Variants in SLC16A7 observed in about 807,000 individuals in gnomAD.
The protein encoded by SLC16A7 is solute carrier family 16 member 7, also known as monocarboxylate transporter 2.
A neutral mutation model predicts 34.9 loss-of-function variants in SLC16A7; 33 were observed. The observed-to-expected ratio is 0.94, with a 90% confidence interval of 0.72 to 1.26. The LOEUF (loss-of-function observed/expected upper bound fraction) is 1.26, where lower values mean the gene tolerates loss of function less well. Ranked by LOEUF, SLC16A7 falls within the 50% of genes most tolerant of loss-of-function variation. The probability of loss-of-function intolerance (pLI) is 0.00; values close to 1 mark genes in which losing one functional copy is unlikely to be tolerated. For synonymous variants in SLC16A7, 201 were observed against 206.6 expected (o/e 0.97, Z 0.23); for missense variants, 573 against 578.1 (o/e 0.99, Z 0.09).
Position 59,740,334 on chromosome 12 carries a change from T to C in SLC16A7, c.218-30885T>C, listed in dbSNP as rs887512189. The stretch of plus-strand genomic sequence containing the variant: ...CCCCATTGCTTGTTTTTGTCAGGTT[T>C]GTCCAAGATCAGATAGTTGTAGATA... On this transcript the variant is annotated intron_variant, in intron 3 of 5. Coordinates refer to ENST00000547379, the MANE Select transcript of SLC16A7 (RefSeq NM_001270623.2). Among the ~76,000 whole-genome samples, 180 of 152,292 alleles carry C rather than the reference T, an allele frequency of 1.2e-3. No individual in the cohort carries two copies. The Middle Eastern group carries it at 0.017, about 14-fold the overall frequency.
intron 3 of SLC16A7, among the ~76,000 whole-genome samples, chr12:59,740,207 G>A (rs1878138187): frequency 6.6e-6 from 1 of 151,512 alleles, no homozygotes; most frequent in African/African-American, 2.4e-5. Flanking sequence ...AATCCATCTT[G>A]AATTAATTTT....
chr12:59,707,786 T>C (rs372010685), intron 3 of SLC16A7, among the ~76,000 whole-genome samples: 2 of 152,120 alleles, frequency 1.3e-5, no homozygotes, highest in East Asian at 3.9e-4. Flanking sequence ...AGTAAGTACC[T>C]GGAATATTGC....
intron 3 of SLC16A7, among the ~76,000 whole-genome samples, chr12:59,710,013 G>C (rs982009295): frequency 2.0e-5 from 3 of 151,548 alleles, no homozygotes; most frequent in African/African-American, 7.3e-5. Context: ...ATGAGGGCTT[G>C]GTTTATTGTG....
intron 2 of SLC16A7, among the ~76,000 whole-genome samples, chr12:59,664,346 G>C (rs1869023231): frequency 6.6e-6 from 1 of 152,018 alleles, no homozygotes; most frequent in African/African-American, 2.4e-5. Context: ...CCTCACACAG[G>C]GTTGGGGACT....
At chr12:59,667,647 A>C (rs770599472) in intron 2 of SLC16A7, among the ~76,000 whole-genome samples, 1 of 152,202 alleles carries the variant, frequency 6.6e-6, no homozygotes, top group South Asian at 2.1e-4. Context: ...CAGCCTGATG[A>C]TGCAGTAGAG....
intron 4 of SLC16A7, 64 bp from the exon 5 acceptor site, chr12:59,774,593 A>T: frequency 1.0e-6 from 1 of 972,456 alleles, no homozygotes; most frequent in Non-Finnish European, 1.5e-6. Flanking sequence ...TTTGAGGAGT[A>T]ATTTCTTTTG....
At chr12:59,675,648 G>A (rs574950540) in intron 2 of SLC16A7, among the ~76,000 whole-genome samples, 1 of 152,248 alleles carries the variant, frequency 6.6e-6, no homozygotes, top group East Asian at 1.9e-4. Flanking sequence ...ACCATTTGTG[G>A]CCTATTTTGT....
In SLC16A7 at chr12:59,779,560, A is replaced by G. The variant is rs766416145; in HGVS notation, c.1318A>G (p.Asn440Asp). The change falls in exon 6 of 6, where the codon AAT becomes GAT. Residue 440 changes from asparagine (N) to aspartate (D), a missense_variant. Physicochemically the swap from Asn to Asp is conservative, Grantham distance 23. Coordinates refer to ENST00000547379, the MANE Select transcript of SLC16A7 (RefSeq NM_001270623.2). ...RLLAKERKEENARQKTRESEP... is the reference protein window; with the variant it reads ...RLLAKERKEEDARQKTRESEP... ...GCTTGCAAAGGAAAGGAAGGAGGAA[A>G]ATGCAAGGCAGAAGACCAGAGAATC... The G allele has an allele frequency of 6.2e-7, 1 of 1,612,944 alleles. No individual in the cohort carries two copies. The highest frequency in any genetic ancestry group is 1.7e-5 in the Admixed American group (1 of 59,792).
At chr12:59,755,089 G>A (rs968025920) in intron 3 of SLC16A7, among the ~76,000 whole-genome samples, 27 of 152,244 alleles carry the variant, frequency 1.8e-4, no homozygotes, top group African/African-American at 6.3e-4. Flanking sequence ...AATAAATTAG[G>A]TATTGATGGG....
intron 2 of SLC16A7, among the ~76,000 whole-genome samples, chr12:59,689,767 A>C (rs1166717702): frequency 6.6e-6 from 1 of 152,060 alleles, no homozygotes; most frequent in African/African-American, 2.4e-5. Context: ...ACACCAGAGA[A>C]TCTTTGGAAA....
At chr12:59,677,858 C>T (rs1870433028) in intron 2 of SLC16A7, among the ~76,000 whole-genome samples, 1 of 152,220 alleles carries the variant, frequency 6.6e-6, no homozygotes, top group Non-Finnish European at 1.5e-5. Context: ...ACTTCCAGGA[C>T]ATACAAATAT....
chr12:59,626,217 GTCC>G (rs995435342), intron 1 of SLC16A7, among the ~76,000 whole-genome samples: 1 of 150,052 alleles, frequency 6.7e-6, no homozygotes, highest in Non-Finnish European at 1.5e-5. Flanking sequence ...AATTTTTTAT[GTCC>G]TCCTTTTAAG....
chr12:59,652,743 T>C (rs956847265), intron 1 of SLC16A7, among the ~76,000 whole-genome samples: 1 of 151,850 alleles, frequency 6.6e-6, no homozygotes, highest in Admixed American at 6.6e-5. Flanking sequence ...TCTTAGTTTA[T>C]GAACCTTTCT....
chr12:59,765,902 G>T, intron 3 of SLC16A7, among the ~76,000 whole-genome samples: 1 of 152,062 alleles, frequency 6.6e-6, no homozygotes, highest in East Asian at 1.9e-4. Flanking sequence ...GGATGGCATT[G>T]AATCTATAAA....
At chr12:59,705,673 A>T (rs952662333) in intron 3 of SLC16A7, among the ~76,000 whole-genome samples, 3 of 152,152 alleles carry the variant, frequency 2.0e-5, no homozygotes, top group Non-Finnish European at 4.4e-5. Context: ...ATTTGGAATT[A>T]TTGGTGCCTT....
intron 3 of SLC16A7, among the ~76,000 whole-genome samples, chr12:59,752,576 G>A (rs2706296): frequency 0.12 from 17,649 of 150,548 alleles, 1,345 homozygotes; most frequent in African/African-American, 0.21. Flanking sequence ...AAAGAAAGGA[G>A]CAAAGCCTCC....
intron 3 of SLC16A7, among the ~76,000 whole-genome samples, chr12:59,720,651 C>T (rs1875467721): frequency 6.6e-6 from 1 of 152,046 alleles, no homozygotes; most frequent in South Asian, 2.1e-4. Flanking sequence ...CCTTGTCTTC[C>T]AGAAGCTCCC....
intron 3 of SLC16A7, among the ~76,000 whole-genome samples, chr12:59,714,748 A>T (rs1874693340): frequency 6.6e-6 from 1 of 151,998 alleles, no homozygotes; most frequent in African/African-American, 2.4e-5. Flanking sequence ...TATTTTTAGT[A>T]GATATGGGGT....
chr12:59,734,618 G>T (rs1472851574), intron 3 of SLC16A7, among the ~76,000 whole-genome samples: 2 of 152,224 alleles, frequency 1.3e-5, no homozygotes, highest in African/African-American at 2.4e-5. Flanking sequence ...TGCACAGTGT[G>T]GGGCCCTGGC....
Sources: allele counts gnomAD v4.1 joint callset (sites outside exome capture counted in the v4.1 genomes callset), GRCh38; gene constraint gnomAD v4.1.1; transcripts MANE v1.5; gene names NCBI Gene and HGNC (gene_info 2026-07-23, HGNC 2026-07-21).